Variants in NACC2 observed in about 807,000 individuals in gnomAD.
The protein encoded by NACC2 is nucleus accumbens-associated protein 2.
A neutral mutation model predicts 25.1 loss-of-function variants in NACC2; 8 were observed. That is an observed-to-expected ratio of 0.32 (90% CI 0.19 to 0.57). The LOEUF (loss-of-function observed/expected upper bound fraction) is 0.57. Ranked by LOEUF, NACC2 falls within the 20% of genes least tolerant of loss-of-function variation. The pLI is 0.89. For synonymous variants in NACC2, 435 were observed against 294.7 expected (o/e 1.48, Z -4.88); for missense variants, 644 against 650.2 (o/e 0.99, Z 0.10).
chr9:136,071,270 C>G (rs937220132), intron 1 of NACC2, among the ~76,000 whole-genome samples: 12 of 150,662 alleles, frequency 8.0e-5, no homozygotes, highest in Admixed American at 5.3e-4. Context: ...AAAGGCTGGG[C>G]GCGGTGGCTC....
intron 2 of NACC2, among the ~76,000 whole-genome samples, chr9:136,031,342 C>T (rs73551148): frequency 6.6e-6 from 1 of 151,972 alleles, no homozygotes; most frequent in African/African-American, 2.4e-5. Context: ...TTCATTCATT[C>T]ATTCATTCAT....
chr9:136,060,261 ATCT>A (rs1407398495), intron 1 of NACC2, among the ~76,000 whole-genome samples: 7 of 152,232 alleles, frequency 4.6e-5, no homozygotes, highest in Non-Finnish European at 1.0e-4. Context: ...ACACCGAAGA[ATCT>A]TGTGTAAAAG....
intron 2 of NACC2, among the ~76,000 whole-genome samples, chr9:136,021,361 C>T (rs537383942): frequency 3.3e-5 from 5 of 152,250 alleles, no homozygotes; most frequent in Non-Finnish European, 5.9e-5. Flanking sequence ...GTAAAAACAC[C>T]GACGCCAAGT....
Position 136,050,193 on chromosome 9 carries a change from T to C in NACC2, c.329A>G (p.Gln110Arg), listed in dbSNP as rs1171079506. The C allele has an allele frequency of 1.3e-6, 1 of 772,542 alleles. No homozygotes were observed. The highest frequency in any genetic ancestry group is 1.7e-5 in the Admixed American group (1 of 58,438). 47.9% of individuals were successfully genotyped at this position (772,542 alleles called of 1,614,324 possible). Residue 110 changes from glutamine to arginine, a missense_variant, in exon 2 of 6, where the codon CAG becomes CGG. Coordinates refer to ENST00000277554, the MANE Select transcript of NACC2 (RefSeq NM_144653.5). ...VMYTAGFLQI[Q>R]HIVERGTDLM... ...GTCGGTGCCGCGCTCCACGATGTGC[T>C]GGATCTGCAGGAAGCCGGCCGTGTA...
chr9:136,070,544 C>T (rs1841137493), intron 1 of NACC2, among the ~76,000 whole-genome samples: 8 of 151,518 alleles, frequency 5.3e-5, no homozygotes. Context: ...AAAAATACAA[C>T]ATACCAAAGT....
chr9:136,027,319 T>C (rs905296472), intron 2 of NACC2, among the ~76,000 whole-genome samples: 1 of 152,192 alleles, frequency 6.6e-6, no homozygotes, highest in Non-Finnish European at 1.5e-5. Flanking sequence ...GAAAGAGATG[T>C]ACCAGGTAAA....
chr9:136,039,518 C>T (rs956874348), intron 2 of NACC2, among the ~76,000 whole-genome samples: 170 of 152,226 alleles, frequency 1.1e-3, no homozygotes, highest in African/African-American at 4.0e-3. Context: ...CAGACAAAGA[C>T]ATTAGAGGAA....
At chr9:136,042,215 T>G (rs1171438095) in intron 2 of NACC2, among the ~76,000 whole-genome samples, 2 of 152,192 alleles carry the variant, frequency 1.3e-5, no homozygotes, top group Non-Finnish European at 2.9e-5. Context: ...CTCGAGCTCC[T>G]GACCTCAGGT....
rs1564235430 is a variant in NACC2, at chr9:136,062,177, A to AGGACAGGAC, written c.-59-11598_-59-11597insGTCCTGTCC. Among the ~76,000 whole-genome samples, 117 of 137,110 alleles carry AGGACAGGAC rather than the reference A, an allele frequency of 8.5e-4. 1 individual carries two copies. The highest frequency in any genetic ancestry group is 3.7e-3 in the Middle Eastern group (1 of 272). 89.9% of individuals were successfully genotyped at this position (137,110 alleles called of 152,430 possible). ...CAGGACAGGACAGGACAGGACAGGA[A>AGGACAGGAC]AGGAAAGAGAGAGAAAAGAAAGAAA... On this transcript the variant is annotated intron_variant, in intron 1 of 5. Transcript: ENST00000277554.
In NACC2 at chr9:136,022,428, G is replaced by A. The variant is rs891648768; in HGVS notation, c.887-5999C>T. Among the ~76,000 whole-genome samples, 1 of 152,332 alleles carries A rather than the reference G, an allele frequency of 6.6e-6. No homozygotes were observed. ...ACTTGCTTCCCAGCTCCCCGCCCAG[G>A]TGCCTCCTGATGGCCAGAGCCCAGG... is the stretch of plus-strand genomic sequence containing the variant. On this transcript the variant is annotated intron_variant, in intron 2 of 5. Coordinates refer to ENST00000277554, the MANE Select transcript of NACC2 (RefSeq NM_144653.5). This position sits in a 1 kb window ranked among gnomAD's most constrained non-coding sequence, Gnocchi z 4.4.
intron 2 of NACC2, among the ~76,000 whole-genome samples, chr9:136,041,491 C>T (rs1840632267): frequency 1.3e-5 from 2 of 151,492 alleles, no homozygotes; most frequent in Admixed American, 1.3e-4. Flanking sequence ...TTCCTGATGC[C>T]AAAAGAAAAA....
rs1341982889 is a variant in NACC2, at chr9:136,007,469, A to G, written c.*4047T>C. ...CACACACACGCGCACACAGACGCAC[A>G]CACACAGACGCACACACGCACAGAC... On this transcript the variant is annotated 3_prime_UTR_variant, in exon 6 of 6. Coordinates refer to ENST00000277554, the MANE Select transcript of NACC2 (RefSeq NM_144653.5). 1.3e-5 allele frequency: 2 copies of G among 148,608 alleles called. No individual in the cohort carries two copies. The highest frequency in any genetic ancestry group is 3.0e-5 in the Non-Finnish European group (2 of 66,098). 9.2% of individuals were successfully genotyped at this position (148,608 alleles called of 1,614,324 possible).
chr9:136,047,158 G>A (rs527899954), intron 2 of NACC2, among the ~76,000 whole-genome samples: 115 of 152,234 alleles, frequency 7.6e-4, no homozygotes, highest in African/African-American at 2.6e-3. Context: ...ACGGCCTGGC[G>A]AGGGCAGCAG....
Position 136,018,538 on chromosome 9 carries a change from G to A in NACC2, c.887-2109C>T, listed in dbSNP as rs1215900761. Among the ~76,000 whole-genome samples, 1 of 152,018 alleles carries A rather than the reference G, an allele frequency of 6.6e-6. No homozygotes were observed. Among genetic ancestry groups the A allele is most frequent in the Non-Finnish European group, 1.5e-5 (1 of 67,984 alleles). ...ACACTCCCTCCCCAGGGACCCACTG[G>A]CCCAGGATGAGCGTGGTACGCACTG... On this transcript the variant is annotated intron_variant, in intron 2 of 5. Transcript: ENST00000277554. This position sits in a 1 kb window ranked among gnomAD's most constrained non-coding sequence, Gnocchi z 4.4.
At chr9:136,030,245 C>T (rs569575444) in intron 2 of NACC2, among the ~76,000 whole-genome samples, 38 of 152,138 alleles carry the variant, frequency 2.5e-4, no homozygotes, top group Admixed American at 1.9e-3. Context: ...TGTACAAAAA[C>T]AGGACACGGG....
intron 2 of NACC2, among the ~76,000 whole-genome samples, chr9:136,025,277 C>T (rs556407383): frequency 1.3e-5 from 2 of 152,270 alleles, no homozygotes; most frequent in East Asian, 3.9e-4. Flanking sequence ...CAACAGTCCC[C>T]AGACCCTTTG....
At chr9:136,089,146 G>A (rs1316521740) in intron 1 of NACC2, among the ~76,000 whole-genome samples, 19 of 152,262 alleles carry the variant, frequency 1.2e-4, no homozygotes, top group African/African-American at 1.7e-4. Context: ...ACTGCAGCCC[G>A]GGAGAACCAG....
intron 1 of NACC2, among the ~76,000 whole-genome samples, chr9:136,051,602 C>T (rs1049320567): frequency 0.04 from 6,045 of 152,054 alleles, 181 homozygotes; most frequent in African/African-American, 0.081. Flanking sequence ...GTGCGGGCGG[C>T]CGCAGAGGCG....
chr9:136,014,469 A>C (rs577536909), intron 3 of NACC2, among the ~76,000 whole-genome samples: 1 of 152,124 alleles, frequency 6.6e-6, no homozygotes, highest in African/African-American at 2.4e-5. Flanking sequence ...ATGCCCAGTT[A>C]ATTTTGATGA....
Sources: allele counts gnomAD v4.1 joint callset (sites outside exome capture counted in the v4.1 genomes callset), GRCh38; gene constraint gnomAD v4.1.1; non-coding constraint Gnocchi (gnomAD v3.1); transcripts MANE v1.5; gene names NCBI Gene and HGNC (gene_info 2026-07-23, HGNC 2026-07-21).